Variants in DSCAM observed in about 807,000 individuals in gnomAD.
DSCAM encodes the protein cell adhesion molecule DSCAM.
In DSCAM, 47 loss-of-function variants were observed where a neutral mutation model predicts 217.7. The ratio of observed to expected loss-of-function variants is 0.22; its 90% CI spans 0.17 to 0.28. The LOEUF is 0.28. DSCAM is among the 10% of genes least tolerant of loss of function. The pLI is 1.00. For synonymous variants in DSCAM, 1,056 were observed against 1,015.3 expected (o/e 1.04, Z -0.76); for missense variants, 2,080 against 2,618.3 (o/e 0.79, Z 4.49).
chr21:40,806,397 A>C (rs1407522436), intron 1 of DSCAM, among the ~76,000 whole-genome samples: 1 of 152,190 alleles, frequency 6.6e-6, no homozygotes, highest in Non-Finnish European at 1.5e-5. Flanking sequence ...CATTTCTGTG[A>C]GTTTACCTGA....
intron 32 of DSCAM, among the ~76,000 whole-genome samples, chr21:40,033,158 C>CT (rs1302414001): frequency 2.0e-5 from 3 of 152,036 alleles, no homozygotes; most frequent in Non-Finnish European, 4.4e-5. Context: ...AGTATTGTGC[C>CT]TGGGGGGGAG....
intron 1 of DSCAM, among the ~76,000 whole-genome samples, chr21:40,732,672 T>G (rs550597536): frequency 6.6e-6 from 1 of 152,336 alleles, no homozygotes; most frequent in South Asian, 2.1e-4. Flanking sequence ...CTAGTCCTAA[T>G]TAGCTACTTG....
chr21:40,434,366 A>C (rs1325425272), intron 3 of DSCAM, among the ~76,000 whole-genome samples: 1 of 152,144 alleles, frequency 6.6e-6, no homozygotes, highest in Admixed American at 6.5e-5. Context: ...ATCACACATC[A>C]CCTTTCCAGT....
chr21:40,179,155 T>C lies in DSCAM; in HGVS notation c.2780-61A>G, dbSNP rs2090768834. 5.6e-6 allele frequency: 7 copies of C among 1,255,408 alleles called. No homozygotes were observed. In the East Asian group the frequency reaches 2.1e-4, roughly 38 times the overall value. 77.8% of individuals were successfully genotyped at this position (1,255,408 alleles called of 1,614,324 possible). A position where few individuals can be genotyped will look rare whatever the true frequency, so the allele number is the denominator to read the frequency against. Reference sequence around the variant, plus strand: ...AGACGTGAGTTTTTTTCCTCTGCCTTTGAAAGTTCACAAGTAGGAATTAAA... The same window carrying C: ...AGACGTGAGTTTTTTTCCTCTGCCTCTGAAAGTTCACAAGTAGGAATTAAA... On this transcript the variant is annotated intron_variant, in intron 14 of 32. Transcript: ENST00000400454.
intron 3 of DSCAM, among the ~76,000 whole-genome samples, chr21:40,660,326 G>A (rs892836805): frequency 2.6e-5 from 4 of 152,158 alleles, no homozygotes; most frequent in Admixed American, 2.6e-4. Context: ...AAGGAGGAGG[G>A]AGAGAGGTAG....
rs2091080683 is a variant in DSCAM at position 40,737,874 on chromosome 21, C to T, written c.44-29103G>A. ...CAGCCCATATCAAGGTGAGGTGCAG[C>T]CTTACCTCCTGTCATGCAGAAACCA... On this transcript the variant is annotated intron_variant, in intron 1 of 32. Transcript: ENST00000400454. 2.6e-5 allele frequency among the ~76,000 whole-genome samples: 4 copies of T among 152,294 alleles called. No homozygotes were observed. The South Asian group carries it at 8.3e-4, about 32-fold the overall frequency.
intron 3 of DSCAM, among the ~76,000 whole-genome samples, chr21:40,687,511 C>T (rs1249293039): frequency 1.3e-5 from 2 of 152,060 alleles, no homozygotes; most frequent in East Asian, 1.9e-4. Context: ...AGAGGCCCCC[C>T]ACAGCATGAC....
At chr21:40,137,698 A>T (rs1024971955) in intron 18 of DSCAM, among the ~76,000 whole-genome samples, 10 of 152,122 alleles carry the variant, frequency 6.6e-5, no homozygotes, top group South Asian at 4.2e-4. Flanking sequence ...AAATTAAAAA[A>T]ATATATAAAA....
At chr21:40,298,588 A>C (rs2073981437) in intron 9 of DSCAM, among the ~76,000 whole-genome samples, 1 of 152,042 alleles carries the variant, frequency 6.6e-6, no homozygotes. Flanking sequence ...AATTATCTCT[A>C]AGAAATATGG....
At position 40,320,760 on chromosome 21, in the gene DSCAM, T is replaced by C. The variant is rs536829939; in HGVS notation, c.1784-8401A>G. On this transcript the variant is annotated intron_variant, in intron 8 of 32. Coordinates refer to ENST00000400454, the MANE Select transcript of DSCAM (RefSeq NM_001389.5). ...ATCAGATCTCATAAGACTTATTCACTACCACGAGAACAGTATGAGGAAACT... is the reference window on the plus strand; with the variant it reads ...ATCAGATCTCATAAGACTTATTCACCACCACGAGAACAGTATGAGGAAACT... Among the ~76,000 whole-genome samples, 5 of 152,318 alleles carry C rather than the reference T, an allele frequency of 3.3e-5. No homozygotes were observed. The South Asian group carries it at 8.3e-4, about 25-fold the overall frequency.
At chr21:40,582,135 A>G (rs1410549138) in intron 3 of DSCAM, among the ~76,000 whole-genome samples, 1 of 152,230 alleles carries the variant, frequency 6.6e-6, no homozygotes, top group Non-Finnish European at 1.5e-5. Context: ...GATTGGCTAT[A>G]TAGTCCTGGG....
chr21:40,207,119 G>A (rs764727795), intron 11 of DSCAM, among the ~76,000 whole-genome samples: 6 of 150,278 alleles, frequency 4.0e-5, no homozygotes, highest in Admixed American at 6.6e-5. Context: ...AAGTCAAACC[G>A]AAAAAAAATT....
chr21:40,821,063 T>A (rs957559083), intron 1 of DSCAM, among the ~76,000 whole-genome samples: 6 of 107,998 alleles, frequency 5.6e-5, no homozygotes, highest in African/African-American at 2.0e-4. Flanking sequence ...GATATATATA[T>A]CTTCACATAT....
At chr21:40,544,429 A>C (rs180780368) in intron 3 of DSCAM, among the ~76,000 whole-genome samples, 3 of 152,294 alleles carry the variant, frequency 2.0e-5, no homozygotes, top group African/African-American at 7.2e-5. Flanking sequence ...CTTCAGATGA[A>C]ATCATCCTGA....
At chr21:40,148,905 T>C (rs752253435) in intron 16 of DSCAM, among the ~76,000 whole-genome samples, 4 of 152,154 alleles carry the variant, frequency 2.6e-5, no homozygotes, top group Middle Eastern at 3.2e-3. Context: ...TCTTCCAACT[T>C]TACCACCATA....
At chr21:40,106,873 T>C (rs750559177) in intron 20 of DSCAM, among the ~76,000 whole-genome samples, 7 of 149,766 alleles carry the variant, frequency 4.7e-5, no homozygotes. Context: ...TTTTCTTTAT[T>C]ATCCTAGCTA....
intron 3 of DSCAM, among the ~76,000 whole-genome samples, chr21:40,376,609 TTATA>T (rs199799594): frequency 0.44 from 9,712 of 22,198 alleles, 2,503 homozygotes; most frequent in South Asian, 0.6. Context: ...TCTATATATC[TTATA>T]TAGATATCGA....
intron 3 of DSCAM, among the ~76,000 whole-genome samples, chr21:40,537,834 C>T (rs1418451563): frequency 6.6e-6 from 1 of 152,160 alleles, no homozygotes; most frequent in African/African-American, 2.4e-5. Flanking sequence ...AGCTGTAAGA[C>T]AATACATTTC....
intron 3 of DSCAM, among the ~76,000 whole-genome samples, chr21:40,678,703 T>C (rs573055110): frequency 1.3e-5 from 2 of 152,268 alleles, no homozygotes; most frequent in South Asian, 4.2e-4. Flanking sequence ...TTGATCACTA[T>C]TTGAAACAAC....
Sources: gnomAD v4.1 joint callset for allele counts (sites outside exome capture counted in the v4.1 genomes callset) on GRCh38, gnomAD v4.1.1 for gene constraint, MANE v1.5 for transcripts, NCBI Gene and HGNC (gene_info 2026-07-23, HGNC 2026-07-21) for gene names.